Variants in THADA observed in about 807,000 individuals in gnomAD.
THADA encodes the protein tRNA (32-2'-O)-methyltransferase regulator THADA.
THADA carries 213 observed loss-of-function variants against 219.8 expected under a neutral mutation model. That is an observed-to-expected ratio of 0.97 (90% CI 0.87 to 1.09). THADA has a LOEUF of 1.09. Among genes scored for constraint, THADA ranks in the 50% least tolerant of loss-of-function variants. THADA has a pLI of 0.00. For synonymous variants in THADA, 1,018 were observed against 828.9 expected, an observed-to-expected ratio of 1.23 and a Z score of -3.92; for missense variants, 2,956 against 2,311.3, an observed-to-expected ratio of 1.28 and a Z score of -5.72.
At chr2:43,442,704 G>A (rs1681002604) in intron 26 of THADA, among the ~76,000 whole-genome samples, 1 of 152,110 alleles carries the variant, frequency 6.6e-6, no homozygotes, top group Non-Finnish European at 1.5e-5. Flanking sequence ...AGAGCAGATG[G>A]ACTAGGCTAG....
chr2:43,557,002 G>C (rs142319944), intron 16 of THADA, among the ~76,000 whole-genome samples: 7 of 152,128 alleles, frequency 4.6e-5, no homozygotes, highest in Admixed American at 6.6e-5. Context: ...AGGATCACTC[G>C]AGCTCAGGAG....
intron 29 of THADA, among the ~76,000 whole-genome samples, chr2:43,396,525 G>T (rs1243045360): frequency 6.6e-6 from 1 of 152,210 alleles, no homozygotes; most frequent in Non-Finnish European, 1.5e-5. Context: ...GAACGGCCAG[G>T]CACAGTGACT....
At chr2:43,393,434 C>T (rs889727398) in intron 29 of THADA, among the ~76,000 whole-genome samples, 11 of 152,210 alleles carry the variant, frequency 7.2e-5, no homozygotes, top group Admixed American at 3.3e-4. Flanking sequence ...CAGCCGGGTG[C>T]GGTGGCTCAC....
At chr2:43,286,812 T>C (rs1674074134) in intron 35 of THADA, 96 bp downstream of exon 35, 3 of 1,395,082 alleles carry the variant, frequency 2.2e-6, no homozygotes, top group African/African-American at 1.4e-5. Flanking sequence ...GCAGGTGTCA[T>C]GTTGCCATCT....
chr2:43,500,548 G>A (rs1008404157), intron 24 of THADA, among the ~76,000 whole-genome samples: 1 of 152,102 alleles, frequency 6.6e-6, no homozygotes, highest in African/African-American at 2.4e-5. Flanking sequence ...CATGACATCT[G>A]CATTTTCTAG....
intron 26 of THADA, among the ~76,000 whole-genome samples, chr2:43,449,530 A>G (rs1467362018): frequency 6.6e-6 from 1 of 152,222 alleles, no homozygotes; most frequent in East Asian, 1.9e-4. Context: ...TCAAACTGTC[A>G]AAAGACAAAG....
intron 22 of THADA, 54 bp from the exon 23 acceptor site, chr2:43,508,834 C>A (rs1158462141): frequency 6.4e-7 from 1 of 1,564,606 alleles, no homozygotes; most frequent in South Asian, 1.1e-5. Flanking sequence ...GTTAAAAGTA[C>A]AAACTATTGA....
chr2:43,392,631 T>C (rs1673526566), intron 29 of THADA, among the ~76,000 whole-genome samples: 1 of 152,086 alleles, frequency 6.6e-6, no homozygotes, highest in Admixed American at 6.6e-5. Context: ...ACACTACTGT[T>C]CCCATCACGT....
At chr2:43,240,133 C>G (rs906787558) in intron 36 of THADA, among the ~76,000 whole-genome samples, 4 of 152,124 alleles carry the variant, frequency 2.6e-5, no homozygotes, top group Admixed American at 2.0e-4. Flanking sequence ...GCTTCACAGA[C>G]AGGCTAAGCA....
intron 24 of THADA, among the ~76,000 whole-genome samples, chr2:43,503,199 TTC>T (rs1419299721): frequency 6.6e-6 from 1 of 152,176 alleles, no homozygotes; most frequent in Non-Finnish European, 1.5e-5. Context: ...AACCCTGCAA[TTC>T]TACTTCTAGG....
At chr2:43,487,531 A>C (rs1704514213) in intron 25 of THADA, among the ~76,000 whole-genome samples, 1 of 152,226 alleles carries the variant, frequency 6.6e-6, no homozygotes, top group Non-Finnish European at 1.5e-5. Flanking sequence ...AAGATGGACC[A>C]GACAGTTCTA....
chr2:43,508,583 G>T (rs935387458), intron 23 of THADA, 65 bp downstream of exon 23: 2 of 1,534,694 alleles, frequency 1.3e-6, no homozygotes, highest in Non-Finnish European at 1.8e-6. Flanking sequence ...ACGTCAAACA[G>T]GTTAGGATAC....
At chr2:43,291,892 T>C in intron 33 of THADA, 124 bp from the exon 34 acceptor site, 12 of 911,818 alleles carry the variant, frequency 1.3e-5, no homozygotes, top group Non-Finnish European at 1.9e-5. Context: ...ACCTCCTGGT[T>C]ACAAAAATGC....
intron 25 of THADA, chr2:43,492,313 A>G (rs1293581693): frequency 8.5e-6 from 1 of 117,196 alleles, no homozygotes; most frequent in East Asian, 2.0e-4. Flanking sequence ...ACTCTGTCTC[A>G]AAAAAAAAAA....
At position 43,574,274 on chromosome 2, in the gene THADA, T is replaced by C. The variant is rs997806149; in HGVS notation, c.1729+62A>G. 1.2e-5 allele frequency: 14 copies of C among 1,132,654 alleles called. No homozygotes were observed. The African/African-American group carries it at 1.9e-4, about 15-fold the overall frequency. 70.2% of individuals were successfully genotyped at this position (1,132,654 alleles called of 1,614,324 possible). On this transcript the variant is annotated intron_variant, in intron 11 of 37. Transcript: ENST00000405975. ...AATTTGAATATGATTAGTATCTGCA[T>C]AGCTACCTACATTTAAGCATCATAA...
At chr2:43,368,386 A>T (rs1226865899) in intron 29 of THADA, among the ~76,000 whole-genome samples, 4 of 152,018 alleles carry the variant, frequency 2.6e-5, no homozygotes, top group African/African-American at 9.7e-5. Context: ...CCTTATCTTC[A>T]TCATCTCCAC....
At chr2:43,288,931 C>T (rs115207809) in intron 34 of THADA, among the ~76,000 whole-genome samples, 202 of 152,306 alleles carry the variant, frequency 1.3e-3, no homozygotes, top group African/African-American at 4.8e-3. Context: ...AAACTCTGCA[C>T]CCTTTATCTA....
chr2:43,592,516 T>C (rs972451048), intron 1 of THADA, 100 bp from the exon 2 acceptor site: 13 of 640,236 alleles, frequency 2.0e-5, no homozygotes, highest in Middle Eastern at 3.7e-4. Flanking sequence ...TATCATCCTA[T>C]GCATTATGTT....
chr2:43,340,483 T>A (rs1244219646), intron 30 of THADA, among the ~76,000 whole-genome samples: 1 of 152,236 alleles, frequency 6.6e-6, no homozygotes, highest in African/African-American at 2.4e-5. Flanking sequence ...ATCAATTTTT[T>A]AAAAACTTTC....
Sources: gnomAD v4.1 joint callset for allele counts (sites outside exome capture counted in the v4.1 genomes callset) on GRCh38, gnomAD v4.1.1 for gene constraint, MANE v1.5 for transcripts, NCBI Gene and HGNC (gene_info 2026-07-23, HGNC 2026-07-21) for gene names.